The following BRIP1 variants were observed in gnomAD, a reference collection of about 807,000 sequenced individuals.
BRIP1 encodes BRCA1 interacting DNA helicase 1.
In BRIP1, 88 loss-of-function variants were observed where a neutral mutation model predicts 119.7. The ratio of observed to expected loss-of-function variants is 0.74; its 90% CI spans 0.62 to 0.88. BRIP1 has a LOEUF of 0.88. BRIP1 is among the 40% of genes least tolerant of loss of function. The pLI, the probability that BRIP1 is intolerant of heterozygous loss-of-function variation, is 0.00. For missense variants in BRIP1, 1,259 were observed against 1,455.4 expected (o/e 0.87, Z 2.20); for synonymous variants, 443 against 496.5 (o/e 0.89, Z 1.43).
chr17:61,741,341 A>G (rs1411512751), intron 16 of BRIP1, among the ~76,000 whole-genome samples: 1 of 152,184 alleles, frequency 6.6e-6, no homozygotes, highest in East Asian at 1.9e-4. Context: ...GATGGAATCA[A>G]TGACTTCCAA....
chr17:61,821,270 C>A (rs2078319846), intron 6 of BRIP1, among the ~76,000 whole-genome samples: 1 of 152,086 alleles, frequency 6.6e-6, no homozygotes, highest in Non-Finnish European at 1.5e-5. Context: ...AGAGTTACAC[C>A]CTATGCACAT....
In BRIP1 at chr17:61,717,696, C is replaced by A. The variant is rs754554599; in HGVS notation, c.2380-1633G>T. ...TTGCGTTTTTATTAAGCTTCTTGGACCTGTGGGCTTATAGTTTCTATCAAA... is the reference window on the plus strand; with the variant it reads ...TTGCGTTTTTATTAAGCTTCTTGGAACTGTGGGCTTATAGTTTCTATCAAA... On this transcript the variant is annotated intron_variant, in intron 16 of 19. Transcript: ENST00000259008. The surrounding 1 kb of genome is among the most constrained non-coding windows in gnomAD (Gnocchi z 4.1). Among the ~76,000 whole-genome samples, 26 of 151,966 alleles carry A rather than the reference C, an allele frequency of 1.7e-4. No homozygotes were observed. Among genetic ancestry groups the A allele is most frequent in the Non-Finnish European group, 3.4e-4 (23 of 67,968 alleles).
rs1567793564 is a variant in BRIP1, at chr17:61,759,181, A to C, written c.2098-14590T>G. Among the ~76,000 whole-genome samples the C allele has an allele frequency of 6.6e-6, 1 of 152,232 alleles. No homozygotes were observed. The highest frequency in any genetic ancestry group is 1.9e-4 in the East Asian group (1 of 5,180). Reference sequence around the variant, plus strand: ...GAAGATCCAACTATATGCTGCCTACAAGAGATTTGCTTTTAAGGATGCACA... The same window carrying C: ...GAAGATCCAACTATATGCTGCCTACCAGAGATTTGCTTTTAAGGATGCACA... On this transcript the variant is annotated intron_variant, in intron 14 of 19. Coordinates refer to ENST00000259008, the MANE Select transcript of BRIP1 (RefSeq NM_032043.3). The surrounding 1 kb of genome is among the most constrained non-coding windows in gnomAD (Gnocchi z 4.9).
Position 61,796,238 on chromosome 17 carries a change from T to C in BRIP1, c.1341-2509A>G, listed in dbSNP as rs1246181311. On this transcript the variant is annotated intron_variant, in intron 9 of 19. Transcript: ENST00000259008. The surrounding 1 kb of genome is among the most constrained non-coding windows in gnomAD (Gnocchi z 4.8). ...ACTTTGTTGATTGTTTCCTTTGCTGTGCAGCAGCTTTTTAACTTGATGTGA... is the reference window on the plus strand; with the variant it reads ...ACTTTGTTGATTGTTTCCTTTGCTGCGCAGCAGCTTTTTAACTTGATGTGA... 6.6e-6 allele frequency among the ~76,000 whole-genome samples: 1 copy of C among 152,168 alleles called. No individual in the cohort carries two copies. Among genetic ancestry groups the C allele is most frequent in the African/African-American group, 2.4e-5 (1 of 41,458 alleles).
At chr17:61,747,673 C>A (rs559642363) in intron 14 of BRIP1, among the ~76,000 whole-genome samples, 1 of 151,928 alleles carries the variant, frequency 6.6e-6, no homozygotes, top group East Asian at 1.9e-4. Context: ...GCCTCAATAC[C>A]GATTCTACAA....
In BRIP1 at chr17:61,857,127, T is replaced by C. The variant is rs2145828204; in HGVS notation, c.310A>G (p.Thr104Ala). ...CTTGGATAGTTGAAATGACGTGAAG[T>C]TCCTTGGTTCATGTCATTGTTTGTA... is the stretch of plus-strand genomic sequence containing the variant. ...DFTNNDMNQGTSRHFNYPSTP... is the reference protein window; with the variant it reads ...DFTNNDMNQGASRHFNYPSTP... Residue 104 changes from threonine (T) to alanine (A), a missense_variant, in exon 4 of 20, where the codon ACT becomes GCT. Thr to Ala is a moderately conservative substitution (Grantham distance 58). Around this residue, in one of 3 missense-constraint regions of BRIP1, gnomAD observed 501 missense variants for 544.0 expected, o/e 0.92. Transcript: ENST00000259008. This position sits in a 1 kb window ranked among gnomAD's most constrained non-coding sequence, Gnocchi z 5.1. 6.2e-7 allele frequency: 1 copy of C among 1,614,056 alleles called. No individual in the cohort carries two copies. Among genetic ancestry groups the C allele is most frequent in the Non-Finnish European group, 8.5e-7 (1 of 1,179,914 alleles).
At chr17:61,721,495 T>G (rs1014332625) in intron 16 of BRIP1, among the ~76,000 whole-genome samples, 1 of 150,098 alleles carries the variant, frequency 6.7e-6, no homozygotes, top group Admixed American at 6.6e-5. Flanking sequence ...GGTCTCGATC[T>G]CTTGACCTCG....
rs35287659 is a variant in BRIP1, at chr17:61,780,557, G to A, written c.1795-156C>T. 6.5e-4 allele frequency among the ~76,000 whole-genome samples: 99 copies of A among 152,016 alleles called. 1 individual carries two copies. The East Asian group carries it at 0.019, about 29-fold the overall frequency. On this transcript the variant is annotated intron_variant, in intron 12 of 19. Transcript: ENST00000259008. This position sits in a 1 kb window ranked among gnomAD's most constrained non-coding sequence, Gnocchi z 5.4. ...AGCCTGGGCAATATGGTGAAACCCC[G>A]TCTCTACAAAAAATACAAAAATTAG...
rs2078018112 is a variant in BRIP1 at position 61,802,971 on chromosome 17, G to A, written c.919-1497C>T. Among the ~76,000 whole-genome samples the A allele has an allele frequency of 6.6e-6, 1 of 152,052 alleles. No individual in the cohort carries two copies. Among genetic ancestry groups the A allele is most frequent in the African/African-American group, 2.4e-5 (1 of 41,408 alleles). On this transcript the variant is annotated intron_variant, in intron 7 of 19. Transcript: ENST00000259008. The surrounding 1 kb of genome is among the most constrained non-coding windows in gnomAD (Gnocchi z 6.0). ...AAAGTAAAAAATAGAATCTTGTTTTGATTTGTATTTTTTATAGTTTCTAGC... is the reference window on the plus strand; with the variant it reads ...AAAGTAAAAAATAGAATCTTGTTTTAATTTGTATTTTTTATAGTTTCTAGC...
chr17:61,765,581 A>G (rs1309711309), intron 14 of BRIP1, among the ~76,000 whole-genome samples: 1 of 148,866 alleles, frequency 6.7e-6, no homozygotes, highest in East Asian at 2.0e-4. Context: ...GATTACAGGC[A>G]TGTGCCACCA....
intron 17 of BRIP1, among the ~76,000 whole-genome samples, chr17:61,711,033 C>CA (rs11308154): frequency 0.22 from 24,481 of 110,346 alleles, 3,099 homozygotes; most frequent in Admixed American, 0.41. Context: ...GACTCCATCT[C>CA]AAAAAAAAAA....
At position 61,798,216 on chromosome 17, in the gene BRIP1, A is replaced by T. The variant is rs1373161653; in HGVS notation, c.1340+884T>A. ...AATTCTAGATATCTATTTTTTTTTT[A>T]AACTGAGAAAGCTTTCTAGGTCTTA... is the stretch of plus-strand genomic sequence containing the variant. On this transcript the variant is annotated intron_variant, in intron 9 of 19. Transcript: ENST00000259008. This position sits in a 1 kb window ranked among gnomAD's most constrained non-coding sequence, Gnocchi z 5.5. Among the ~76,000 whole-genome samples, 2 of 151,690 alleles carry T rather than the reference A, an allele frequency of 1.3e-5. No individual in the cohort carries two copies. Among genetic ancestry groups the T allele is most frequent in the African/African-American group, 4.8e-5 (2 of 41,370 alleles).
At position 61,859,762 on chromosome 17, in the gene BRIP1, G is replaced by A. The variant is rs1381067878; in HGVS notation, c.205+34C>T. On this transcript the variant is annotated intron_variant, in intron 3 of 19. Transcript: ENST00000259008. ...CTGTATTATATTTTCTCAGATCCCA[G>A]TAAGTAACCTGAAGATATCAAGCAA... is the stretch of plus-strand genomic sequence containing the variant. 8 of 1,358,156 alleles carry A rather than the reference G, an allele frequency of 5.9e-6. No individual in the cohort carries two copies. The highest frequency in any genetic ancestry group is 1.7e-5 in the Admixed American group (1 of 59,726). 84.1% of individuals were successfully genotyped at this position (1,358,156 alleles called of 1,614,324 possible). A position where few individuals can be genotyped will look rare whatever the true frequency, so the allele number is the denominator to read the frequency against.
In BRIP1 at chr17:61,789,404, T is replaced by C. The variant is rs2077782078; in HGVS notation, c.1473+4193A>G. Reference sequence around the variant, plus strand: ...CAGTGCTGGGACAATTCTCTATCCATACAGGAAAAAAATTGATTCATAAAT... The same window carrying C: ...CAGTGCTGGGACAATTCTCTATCCACACAGGAAAAAAATTGATTCATAAAT... On this transcript the variant is annotated intron_variant, in intron 10 of 19. Coordinates refer to ENST00000259008, the MANE Select transcript of BRIP1 (RefSeq NM_032043.3). This position sits in a 1 kb window ranked among gnomAD's most constrained non-coding sequence, Gnocchi z 4.8. 6.6e-6 allele frequency among the ~76,000 whole-genome samples: 1 copy of C among 152,090 alleles called. No individual in the cohort carries two copies. Among genetic ancestry groups the C allele is most frequent in the South Asian group, 2.1e-4 (1 of 4,828 alleles).
At chr17:61,840,370 A>AG (rs2078640487) in intron 6 of BRIP1, among the ~76,000 whole-genome samples, 2 of 151,666 alleles carry the variant, frequency 1.3e-5, no homozygotes, top group African/African-American at 4.8e-5. Flanking sequence ...AAAAAAAAAA[A>AG]AAAAAGAAAA....
chr17:61,856,955 T>C lies in BRIP1; in HGVS notation c.379+103A>G. The C allele has an allele frequency of 8.9e-7, 1 of 1,122,142 alleles. No individual in the cohort carries two copies. Among genetic ancestry groups the C allele is most frequent in the Non-Finnish European group, 1.4e-6 (1 of 738,772 alleles). The allele number at this position is 1,122,142 out of a possible 1,614,324, so 69.5% of individuals were successfully genotyped here. A position where few individuals can be genotyped will look rare whatever the true frequency, so the allele number is the denominator to read the frequency against. On this transcript the variant is annotated intron_variant, in intron 4 of 19. Transcript: ENST00000259008. This position sits in a 1 kb window ranked among gnomAD's most constrained non-coding sequence, Gnocchi z 5.1. ...TCCAGAGAAACTAGATAGAGATATA[T>C]AATCAGTTATGCTAACCAAACTTAT... is the stretch of plus-strand genomic sequence containing the variant.
chr17:61,776,281 G>C lies in BRIP1; in HGVS notation c.2097+120C>G. The C allele has an allele frequency of 9.3e-7, 1 of 1,073,436 alleles. No individual in the cohort carries two copies. Among genetic ancestry groups the C allele is most frequent in the South Asian group, 1.3e-5 (1 of 74,228 alleles). 66.5% of individuals were successfully genotyped at this position (1,073,436 alleles called of 1,614,324 possible). A position where few individuals can be genotyped will look rare whatever the true frequency, so the allele number is the denominator to read the frequency against. ...AATATGTGATGTTTAGAAAACTATA[G>C]TTATTACCTTGTTGCCTCTACCCTA... On this transcript the variant is annotated intron_variant, in intron 14 of 19. Transcript: ENST00000259008. The surrounding 1 kb of genome is among the most constrained non-coding windows in gnomAD (Gnocchi z 5.0).
intron 14 of BRIP1, among the ~76,000 whole-genome samples, chr17:61,749,984 AC>A (rs2144748732): frequency 6.6e-6 from 1 of 152,286 alleles, no homozygotes; most frequent in East Asian, 1.9e-4. Context: ...GGACAATTTT[AC>A]TTTTTCCTTT....
chr17:61,734,574 A>G lies in BRIP1; in HGVS notation c.2379+8439T>C, dbSNP rs138346596. ...CAGGTCCCTCAGGTATGTGCAATAAATTATGACTTGAACTAAACAAGTCAC... is the reference window on the plus strand; with the variant it reads ...CAGGTCCCTCAGGTATGTGCAATAAGTTATGACTTGAACTAAACAAGTCAC... On this transcript the variant is annotated intron_variant, in intron 16 of 19. Transcript: ENST00000259008. The surrounding 1 kb of genome is among the most constrained non-coding windows in gnomAD (Gnocchi z 5.2). Among the ~76,000 whole-genome samples, 27 of 152,280 alleles carry G rather than the reference A, an allele frequency of 1.8e-4. No homozygotes were observed. The highest frequency in any genetic ancestry group is 6.5e-4 in the African/African-American group (27 of 41,566).
Sources: allele counts gnomAD v4.1 joint callset (sites outside exome capture counted in the v4.1 genomes callset), GRCh38; gene constraint gnomAD v4.1.1; regional missense constraint gnomAD v4.1.1; non-coding constraint Gnocchi (gnomAD v3.1); transcripts MANE v1.5; gene names NCBI Gene and HGNC (gene_info 2026-07-23, HGNC 2026-07-21).